PRKN: variants seen among roughly 807,000 people sequenced by gnomAD.
PRKN encodes the protein parkin RBR E3 ubiquitin protein ligase.
Under a neutral mutation model 59.5 loss-of-function variants are expected in PRKN, and 56 were observed. The observed-to-expected ratio is 0.94, with a 90% CI of 0.76 to 1.18. The LOEUF is 1.18. Ranked by LOEUF, PRKN falls within the 50% of genes most tolerant of loss-of-function variation. The pLI, the probability that PRKN is intolerant of heterozygous loss-of-function variation, is 0.00. For missense variants in PRKN, 657 were observed against 596.4 expected (o/e 1.10, Z -1.06); for synonymous variants, 250 against 222.1 (o/e 1.13, Z -1.12).
intron 9 of PRKN, among the ~76,000 whole-genome samples, chr6:161,523,037 G>A (rs1778893262): frequency 6.6e-6 from 1 of 151,956 alleles, no homozygotes; most frequent in Non-Finnish European, 1.5e-5. Flanking sequence ...CCTAACACTA[G>A]CCTGTATGCA....
chr6:162,213,052 G>A (rs1453364663), intron 3 of PRKN, among the ~76,000 whole-genome samples: 1 of 151,850 alleles, frequency 6.6e-6, no homozygotes, highest in Non-Finnish European at 1.5e-5. Flanking sequence ...GCAGTCAATA[G>A]GAAAAAAAAT....
At chr6:161,684,441 C>T (rs1385616976) in intron 7 of PRKN, among the ~76,000 whole-genome samples, 1 of 152,074 alleles carries the variant, frequency 6.6e-6, no homozygotes, top group African/African-American at 2.4e-5. Context: ...TCAATCACTG[C>T]CCACTATTCA....
At chr6:161,882,563 T>C (rs571910670) in intron 6 of PRKN, among the ~76,000 whole-genome samples, 1 of 152,322 alleles carries the variant, frequency 6.6e-6, no homozygotes, top group South Asian at 2.1e-4. Context: ...GGAGTTAAAC[T>C]GCATAAAGAT....
chr6:162,725,851 A>G (rs1779145926), intron 1 of PRKN, among the ~76,000 whole-genome samples: 1 of 152,050 alleles, frequency 6.6e-6, no homozygotes, highest in Non-Finnish European at 1.5e-5. Context: ...CACATTGTCC[A>G]TGATCTTATA....
intron 6 of PRKN, among the ~76,000 whole-genome samples, chr6:161,877,097 C>T (rs1376154337): frequency 6.6e-6 from 1 of 152,134 alleles, no homozygotes; most frequent in Non-Finnish European, 1.5e-5. Context: ...TATATGTAGT[C>T]CCGACCTTCC....
Position 161,549,880 on chromosome 6 carries a change from C to T in PRKN, c.934-877G>A, listed in dbSNP as rs1295792640. Among the ~76,000 whole-genome samples the T allele has an allele frequency of 6.6e-6, 1 of 152,216 alleles. No individual in the cohort carries two copies. The highest frequency in any genetic ancestry group is 1.9e-4 in the East Asian group (1 of 5,202). On this transcript the variant is annotated intron_variant, in intron 8 of 11. Coordinates refer to ENST00000366898, the MANE Select transcript of PRKN (RefSeq NM_004562.3). This position sits in a 1 kb window ranked among gnomAD's most constrained non-coding sequence, Gnocchi z 6.0. ...GTGAATGAACAAACTTCTCCGCCTT[C>T]ATCCACAGCACTGTAACAGTCAATA...
At chr6:162,712,832 G>A (rs967442839) in intron 1 of PRKN, among the ~76,000 whole-genome samples, 3 of 152,122 alleles carry the variant, frequency 2.0e-5, no homozygotes, top group African/African-American at 7.2e-5. Flanking sequence ...ATTAACATAT[G>A]AATGTAAAAA....
chr6:161,433,459 G>A (rs1788742598), intron 9 of PRKN, among the ~76,000 whole-genome samples: 1 of 152,010 alleles, frequency 6.6e-6, no homozygotes, highest in Non-Finnish European at 1.5e-5. Flanking sequence ...TTTAATTCTA[G>A]AAATTAAAAA....
At chr6:162,376,860 AAGGGGGAGGAAG>A (rs1364789301) in intron 2 of PRKN, among the ~76,000 whole-genome samples, 1 of 56,510 alleles carries the variant, frequency 1.8e-5, no homozygotes, top group African/African-American at 7.5e-5. Flanking sequence ...GGGGAGGGGA[AAGGGGGAGGAAG>A]AGGGGGAGAG....
intron 7 of PRKN, among the ~76,000 whole-genome samples, chr6:161,591,545 G>GT (rs1394269339): frequency 1.3e-5 from 2 of 152,064 alleles, no homozygotes; most frequent in African/African-American, 4.8e-5. Context: ...CTTGTTTTTT[G>GT]TTTTTTACAG....
At chr6:162,314,713 G>A (rs530399103) in intron 2 of PRKN, among the ~76,000 whole-genome samples, 4 of 152,210 alleles carry the variant, frequency 2.6e-5, no homozygotes, top group South Asian at 2.1e-4. Flanking sequence ...TCAACCCAAC[G>A]AACAGTTCAT....
intron 2 of PRKN, among the ~76,000 whole-genome samples, chr6:162,421,054 C>A (rs1281759458): frequency 6.6e-6 from 1 of 152,186 alleles, no homozygotes; most frequent in Non-Finnish European, 1.5e-5. Flanking sequence ...GGCTTGCCAG[C>A]CACAGCTCAC....
chr6:162,255,933 C>A (rs766181643), intron 3 of PRKN, among the ~76,000 whole-genome samples: 2 of 152,144 alleles, frequency 1.3e-5, no homozygotes, highest in African/African-American at 4.8e-5. Context: ...GGAAGCAAAT[C>A]ACAACCCCAC....
chr6:161,807,236 C>T (rs927131425), intron 6 of PRKN, among the ~76,000 whole-genome samples: 1 of 152,204 alleles, frequency 6.6e-6, no homozygotes, highest in Non-Finnish European at 1.5e-5. Flanking sequence ...GCAACAGTCA[C>T]ACGTGTGCAC....
intron 6 of PRKN, among the ~76,000 whole-genome samples, chr6:161,794,034 T>A (rs944811850): frequency 8.5e-5 from 13 of 152,248 alleles, no homozygotes; most frequent in African/African-American, 3.1e-4. Context: ...GACCCTCCTG[T>A]CAGGCACGTT....
chr6:161,947,008 G>A (rs1219394173), intron 6 of PRKN, among the ~76,000 whole-genome samples: 2 of 152,110 alleles, frequency 1.3e-5, no homozygotes, highest in Non-Finnish European at 2.9e-5. Context: ...AATATTCTAT[G>A]TATCTATGCA....
rs1399541954 is a variant in PRKN, at chr6:161,475,932, A to G, written c.1083+72922T>C. ...CTGGTCGCGGTGGCTCACGCCTGTAATCCCAGCATTTTGGGAGGCCAAGGT... is the reference window on the plus strand; with the variant it reads ...CTGGTCGCGGTGGCTCACGCCTGTAGTCCCAGCATTTTGGGAGGCCAAGGT... On this transcript the variant is annotated intron_variant, in intron 9 of 11. Coordinates refer to ENST00000366898, the MANE Select transcript of PRKN (RefSeq NM_004562.3). This position sits in a 1 kb window ranked among gnomAD's most constrained non-coding sequence, Gnocchi z 5.3. Among the ~76,000 whole-genome samples the G allele has an allele frequency of 6.6e-6, 1 of 152,084 alleles. No individual in the cohort carries two copies. The highest frequency in any genetic ancestry group is 1.5e-5 in the Non-Finnish European group (1 of 68,012).
At chr6:161,805,452 G>GCACACACACACACACACA (rs1554310490) in intron 6 of PRKN, among the ~76,000 whole-genome samples, 2 of 39,022 alleles carry the variant, frequency 5.1e-5, no homozygotes, top group Admixed American at 5.0e-4. Context: ...GTACACACAT[G>GCACACACACACACACACA]CACACACACA....
At chr6:162,090,687 T>C (rs1397635915) in intron 4 of PRKN, among the ~76,000 whole-genome samples, 3 of 152,214 alleles carry the variant, frequency 2.0e-5, no homozygotes, top group Non-Finnish European at 4.4e-5. Flanking sequence ...AGAGCCGTGA[T>C]AACTTTGCAA....
Sources: gnomAD v4.1 joint callset for allele counts (sites outside exome capture counted in the v4.1 genomes callset) on GRCh38, gnomAD v4.1.1 for gene constraint, Gnocchi (gnomAD v3.1) non-coding constraint, MANE v1.5 for transcripts, NCBI Gene and HGNC (gene_info 2026-07-23, HGNC 2026-07-21) for gene names.